Variants in MRTFB observed in about 807,000 individuals in gnomAD.
The protein encoded by MRTFB is myocardin related transcription factor B.
A neutral mutation model predicts 104.2 loss-of-function variants in MRTFB; 29 were observed. The observed-to-expected ratio is 0.28, with a 90% confidence interval of 0.21 to 0.38. MRTFB has a LOEUF of 0.38. Among genes scored for constraint, MRTFB ranks in the 10% least tolerant of loss-of-function variants. The pLI, the probability that MRTFB is intolerant of heterozygous loss-of-function variation, is 1.00. For synonymous variants in MRTFB, 535 were observed against 519.5 expected, an observed-to-expected ratio of 1.03 and a Z score of -0.41; for missense variants, 1,270 against 1,341.6, an observed-to-expected ratio of 0.95 and a Z score of 0.83.
chr16:14,050,792 G>C, the MRTFB span, among the ~76,000 whole-genome samples: 1 of 152,040 alleles, frequency 6.6e-6, no homozygotes, highest in Admixed American at 6.6e-5. Context: ...GCGTACTCCA[G>C]GTGCAGAATG....
intron 3 of MRTFB, among the ~76,000 whole-genome samples, chr16:14,199,775 G>C (rs2040600643): frequency 6.6e-6 from 1 of 152,222 alleles, no homozygotes; most frequent in Non-Finnish European, 1.5e-5. Context: ...GGAAATAAAT[G>C]TTTGGTTTCA....
the MRTFB span, among the ~76,000 whole-genome samples, chr16:14,037,871 A>G: frequency 1.3e-5 from 2 of 152,200 alleles, no homozygotes; most frequent in East Asian, 1.9e-4. Flanking sequence ...TGGAACTCCA[A>G]TTAGGAGAAA....
At chr16:14,260,255 A>T (rs1469499929) in intron 16 of MRTFB, among the ~76,000 whole-genome samples, 3 of 152,192 alleles carry the variant, frequency 2.0e-5, no homozygotes, top group Non-Finnish European at 4.4e-5. Context: ...ACCATATGTT[A>T]GCTTTAATTC....
intron 2 of MRTFB, among the ~76,000 whole-genome samples, chr16:14,124,814 T>C (rs1230230474): frequency 6.6e-6 from 1 of 152,222 alleles, no homozygotes; most frequent in Non-Finnish European, 1.5e-5. Flanking sequence ...TTTTCTGTTG[T>C]TTGGAACAGT....
At chr16:14,011,624 G>A in the MRTFB span, among the ~76,000 whole-genome samples, 25,745 of 151,992 alleles carry the variant, frequency 0.17, 3,390 homozygotes, top group African/African-American at 0.37. Flanking sequence ...GGTGGCTCAC[G>A]CCTGTAATCC....
intron 5 of MRTFB, 101 bp downstream of exon 5, chr16:14,212,510 T>A: frequency 2.9e-6 from 3 of 1,039,772 alleles, no homozygotes; most frequent in Admixed American, 2.1e-5. Context: ...AATATGTCAA[T>A]AGAGAAAAAA....
At chr16:14,047,222 T>C in the MRTFB span, among the ~76,000 whole-genome samples, 1 of 152,244 alleles carries the variant, frequency 6.6e-6, no homozygotes, top group African/African-American at 2.4e-5. Context: ...CAGGGCTTTA[T>C]CTTTCTCTCC....
intron 3 of MRTFB, among the ~76,000 whole-genome samples, chr16:14,172,107 T>C (rs905969594): frequency 2.0e-5 from 3 of 152,242 alleles, no homozygotes; most frequent in Admixed American, 6.5e-5. Flanking sequence ...AGTAGAGAAG[T>C]GTCACTCCTC....
intron 1 of MRTFB, among the ~76,000 whole-genome samples, chr16:14,076,468 T>A (rs536896757): frequency 6.6e-5 from 10 of 152,334 alleles, no homozygotes; most frequent in African/African-American, 2.4e-4. Context: ...GGGCTGGGAT[T>A]ACAGGCATGA....
chr16:14,093,967 CT>C (rs2035222983), intron 2 of MRTFB, among the ~76,000 whole-genome samples: 1 of 152,170 alleles, frequency 6.6e-6, no homozygotes, highest in Admixed American at 6.5e-5. Flanking sequence ...TGAAATGATT[CT>C]ATTTTTTAAG....
intron 3 of MRTFB, among the ~76,000 whole-genome samples, chr16:14,179,297 G>C (rs1401186645): frequency 2.0e-5 from 3 of 152,202 alleles, no homozygotes; most frequent in African/African-American, 7.2e-5. Context: ...ATGCCATCAT[G>C]ACTCATAGAT....
chr16:14,007,573 T>C, the MRTFB span, among the ~76,000 whole-genome samples: 1 of 152,238 alleles, frequency 6.6e-6, no homozygotes, highest in Admixed American at 6.5e-5. Flanking sequence ...TTTTCATTTC[T>C]CTTCTATATA....
At chr16:14,043,408 G>A in the MRTFB span, among the ~76,000 whole-genome samples, 6 of 152,070 alleles carry the variant, frequency 3.9e-5, no homozygotes, top group Admixed American at 2.6e-4. Context: ...CAGAGGCCAC[G>A]AGGCATTTCT....
chr16:14,160,194 CAT>C (rs1162817127), intron 3 of MRTFB, among the ~76,000 whole-genome samples: 2 of 152,026 alleles, frequency 1.3e-5, no homozygotes, highest in African/African-American at 2.4e-5. Context: ...ATTTAGTTGT[CAT>C]ATGTCTTATT....
chr16:14,178,861 C>T (rs779583412), intron 3 of MRTFB, among the ~76,000 whole-genome samples: 1 of 152,090 alleles, frequency 6.6e-6, no homozygotes, highest in Non-Finnish European at 1.5e-5. Flanking sequence ...GCTATCCTCC[C>T]ACCTCAGCCT....
At chr16:14,120,320 AT>A (rs1335459721) in intron 2 of MRTFB, among the ~76,000 whole-genome samples, 3 of 152,204 alleles carry the variant, frequency 2.0e-5, no homozygotes, top group Admixed American at 6.5e-5. Context: ...CAGTCTGTTC[AT>A]TTATGGTTGG....
At chr16:14,172,740 GT>G (rs765031575) in intron 3 of MRTFB, among the ~76,000 whole-genome samples, 1 of 152,114 alleles carries the variant, frequency 6.6e-6, no homozygotes. Flanking sequence ...TTTTGATTCA[GT>G]TTCTCTAATT....
chr16:14,109,907 T>C (rs2036183116), intron 2 of MRTFB, among the ~76,000 whole-genome samples: 1 of 152,202 alleles, frequency 6.6e-6, no homozygotes. Context: ...CAGGGAACCA[T>C]ACACATGGCT....
chr16:14,200,373 G>A, intron 3 of MRTFB: 1 of 1,607,880 alleles, frequency 6.2e-7, no homozygotes, highest in South Asian at 1.1e-5. Context: ...CAGCAGGATA[G>A]TAATGATGAC....
Sources: gnomAD v4.1 joint callset for allele counts (sites outside exome capture counted in the v4.1 genomes callset) on GRCh38, gnomAD v4.1.1 for gene constraint, MANE v1.5 for transcripts, NCBI Gene and HGNC (gene_info 2026-07-23, HGNC 2026-07-21) for gene names.